Variants in SIM1 observed in about 807,000 individuals in gnomAD.
The protein encoded by SIM1 is single-minded homolog 1.
Under a neutral mutation model 78.2 loss-of-function variants are expected in SIM1, and 18 were observed. The ratio of observed to expected loss-of-function variants is 0.23; its 90% CI spans 0.16 to 0.34. The LOEUF is 0.34. SIM1 is among the 10% of genes least tolerant of loss of function. The pLI is 1.00. For missense variants in SIM1, 939 were observed against 975.1 expected (o/e 0.96, Z 0.49); for synonymous variants, 417 against 385.2 (o/e 1.08, Z -0.97).
intron 9 of SIM1, among the ~76,000 whole-genome samples, chr6:100,423,498 C>G (rs925158811): frequency 1.3e-5 from 2 of 152,162 alleles, no homozygotes; most frequent in Non-Finnish European, 2.9e-5. Flanking sequence ...GGAACAAGAA[C>G]TATCCTTTTC....
At chr6:100,402,832 T>TC (rs1770959966) in intron 10 of SIM1, among the ~76,000 whole-genome samples, 1 of 152,078 alleles carries the variant, frequency 6.6e-6, no homozygotes, top group African/African-American at 2.4e-5. Context: ...CGCCTCGGCC[T>TC]CCCAAAGTGC....
At chr6:100,435,321 T>G (rs1562249458) in intron 9 of SIM1, among the ~76,000 whole-genome samples, 2 of 152,222 alleles carry the variant, frequency 1.3e-5, no homozygotes, top group African/African-American at 2.4e-5. Context: ...AGTGACAATT[T>G]CATATGGTTC....
At chr6:100,459,725 C>A (rs930632560) in intron 2 of SIM1, among the ~76,000 whole-genome samples, 1 of 152,108 alleles carries the variant, frequency 6.6e-6, no homozygotes, top group Non-Finnish European at 1.5e-5. Flanking sequence ...GACATCTTGT[C>A]AATGAAATGG....
Position 100,390,293 on chromosome 6 carries a change from G to A in SIM1, c.*68C>T. On this transcript the variant is annotated 3_prime_UTR_variant, in exon 12 of 12. Transcript: ENST00000369208. ...AACAATCTGTGGCATAGTAAATGCT[G>A]GTAATGGGGTATTAAACTATAAATA... 1.3e-6 allele frequency: 2 copies of A among 1,498,688 alleles called. No homozygotes were observed. Among genetic ancestry groups the A allele is most frequent in the Non-Finnish European group, 1.8e-6 (2 of 1,106,492 alleles). 92.8% of individuals were successfully genotyped at this position (1,498,688 alleles called of 1,614,324 possible). A position where few individuals can be genotyped will look rare whatever the true frequency, so the allele number is the denominator to read the frequency against.
At chr6:100,397,404 T>C (rs1770794567) in intron 10 of SIM1, among the ~76,000 whole-genome samples, 1 of 152,174 alleles carries the variant, frequency 6.6e-6, no homozygotes, top group Non-Finnish European at 1.5e-5. Flanking sequence ...CAACTGATTT[T>C]TGACAATTCA....
At chr6:100,435,950 G>T (rs913519465) in intron 9 of SIM1, among the ~76,000 whole-genome samples, 2 of 151,868 alleles carry the variant, frequency 1.3e-5, no homozygotes, top group Admixed American at 1.3e-4. Context: ...TTAATCTGTA[G>T]CCAGTTACCT....
chr6:100,444,472 A>T (rs533796850), intron 9 of SIM1, among the ~76,000 whole-genome samples: 1 of 152,240 alleles, frequency 6.6e-6, no homozygotes, highest in African/African-American at 2.4e-5. Context: ...TTTGTTTTGG[A>T]GCAAGGGTTT....
rs781180147 is a variant in SIM1 at position 100,463,733 on chromosome 6, G to C, written c.-265C>G. ...AATTTGGGCGATCCACCGAATTTGG[G>C]CAATCCTGAGGGTCGTTCAGGGTAT... is the stretch of plus-strand genomic sequence containing the variant. On this transcript the variant is annotated 5_prime_UTR_variant, in exon 2 of 12. Coordinates refer to ENST00000369208, the MANE Select transcript of SIM1 (RefSeq NM_005068.3). The C allele has an allele frequency of 2.9e-6, 1 of 341,442 alleles. No individual in the cohort carries two copies. Among genetic ancestry groups the C allele is most frequent in the Admixed American group, 4.3e-5 (1 of 23,516 alleles). The allele number at this position is 341,442 out of a possible 1,614,324, so 21.2% of individuals were successfully genotyped here.
At chr6:100,414,202 G>A (rs1012608148) in intron 10 of SIM1, among the ~76,000 whole-genome samples, 3 of 152,200 alleles carry the variant, frequency 2.0e-5, no homozygotes, top group African/African-American at 7.2e-5. Flanking sequence ...ACCACTGTCT[G>A]CCCCTTGCCT....
intron 10 of SIM1, among the ~76,000 whole-genome samples, chr6:100,412,693 A>G (rs1344997082): frequency 7.2e-5 from 7 of 97,006 alleles, no homozygotes; most frequent in African/African-American, 2.9e-4. Context: ...AAAAGAAAGA[A>G]AGAAAGAAAG....
chr6:100,420,992 C>G, intron 9 of SIM1, 34 bp from the exon 10 acceptor site: 1 of 1,598,286 alleles, frequency 6.3e-7, no homozygotes, highest in African/African-American at 1.3e-5. Context: ...CTTAATCAGC[C>G]ACCATAGGAA....
Position 100,449,830 on chromosome 6 carries a change from A to G in SIM1, c.349-131T>C, listed in dbSNP as rs1057168176. ...ATTCTGGAATTGGCCCTGAGTTCCA[A>G]TGCCAGCTCTGCTTCTTGCTACCTA... On this transcript the variant is annotated intron_variant, in intron 4 of 11. Transcript: ENST00000369208. The G allele has an allele frequency of 3.9e-5, 27 of 691,780 alleles. No individual in the cohort carries two copies. In the African/African-American group the frequency reaches 4.2e-4, roughly 11 times the overall value. 42.9% of individuals were successfully genotyped at this position (691,780 alleles called of 1,614,324 possible).
chr6:100,454,415 T>C (rs1772593164), intron 2 of SIM1, among the ~76,000 whole-genome samples: 1 of 152,188 alleles, frequency 6.6e-6, no homozygotes, highest in Non-Finnish European at 1.5e-5. Context: ...TGGCGGATGA[T>C]TTCCAGCCTG....
rs547262292 is a variant in SIM1 at position 100,454,751 on chromosome 6, C to T, written c.176-907G>A. On this transcript the variant is annotated intron_variant, in intron 2 of 11. Transcript: ENST00000369208. ...TCTGGTGATGCCCAAAAAAATAAAACGCTCCGGACTCTTGTGGCCGAGTTT... is the reference window on the plus strand; with the variant it reads ...TCTGGTGATGCCCAAAAAAATAAAATGCTCCGGACTCTTGTGGCCGAGTTT... Among the ~76,000 whole-genome samples, 25 of 152,226 alleles carry T rather than the reference C, an allele frequency of 1.6e-4. No individual in the cohort carries two copies. In the South Asian group the frequency reaches 4.8e-3, roughly 29 times the overall value.
At chr6:100,403,797 G>C (rs768141744) in intron 10 of SIM1, among the ~76,000 whole-genome samples, 1 of 152,138 alleles carries the variant, frequency 6.6e-6, no homozygotes, top group Non-Finnish European at 1.5e-5. Context: ...CTATGCATTC[G>C]TCACTATGCA....
At position 100,463,667 on chromosome 6, in the gene SIM1, G is replaced by T; in HGVS notation, c.-199C>A. On this transcript the variant is annotated 5_prime_UTR_variant, in exon 2 of 12. Coordinates refer to ENST00000369208, the MANE Select transcript of SIM1 (RefSeq NM_005068.3). ...GGGGTGAACGGAAAATATGTTCTTTGAAAATTCGGGATGCAGTATAGGAAA... is the reference window on the plus strand; with the variant it reads ...GGGGTGAACGGAAAATATGTTCTTTTAAAATTCGGGATGCAGTATAGGAAA... The T allele has an allele frequency of 2.0e-6, 1 of 512,490 alleles. No individual in the cohort carries two copies. Among genetic ancestry groups the T allele is most frequent in the South Asian group, 3.4e-5 (1 of 29,390 alleles). 31.7% of individuals were successfully genotyped at this position (512,490 alleles called of 1,614,324 possible).
intron 3 of SIM1, among the ~76,000 whole-genome samples, chr6:100,453,474 C>G (rs561958808): frequency 6.6e-6 from 1 of 152,168 alleles, no homozygotes; most frequent in South Asian, 2.1e-4. Context: ...AAATGGTGCC[C>G]CCTCCCTTGG....
In SIM1 at chr6:100,385,778, T is replaced by C. The variant is rs1302197555; in HGVS notation, c.*4583A>G. 6.6e-6 allele frequency: 1 copy of C among 151,868 alleles called. No homozygotes were observed. The highest frequency in any genetic ancestry group is 1.9e-4 in the East Asian group (1 of 5,184). The allele number at this position is 151,868 out of a possible 1,614,324, so 9.4% of individuals were successfully genotyped here. A position where few individuals can be genotyped will look rare whatever the true frequency, so the allele number is the denominator to read the frequency against. The stretch of plus-strand genomic sequence containing the variant: ...TCATATTTTTCTGTGTGCGTATGTG[T>C]GTGTGTATGCTTTCTGCATACAGTC... On this transcript the variant is annotated 3_prime_UTR_variant, in exon 12 of 12. Coordinates refer to ENST00000369208, the MANE Select transcript of SIM1 (RefSeq NM_005068.3).
rs551770972 is a variant in SIM1, at chr6:100,455,915, C to G, written c.176-2071G>C. Among the ~76,000 whole-genome samples the G allele has an allele frequency of 1.1e-4, 17 of 152,330 alleles. No individual in the cohort carries two copies. In the South Asian group the frequency reaches 2.7e-3, roughly 24 times the overall value. On this transcript the variant is annotated intron_variant, in intron 2 of 11. Coordinates refer to ENST00000369208, the MANE Select transcript of SIM1 (RefSeq NM_005068.3). Reference sequence around the variant, plus strand: ...ACTAGTTCTGAACTCCCGGCGCCAGCCTAGGCCATTTGTTGTTTCGGGTTT... The same window carrying G: ...ACTAGTTCTGAACTCCCGGCGCCAGGCTAGGCCATTTGTTGTTTCGGGTTT...
Sources: allele counts gnomAD v4.1 joint callset (sites outside exome capture counted in the v4.1 genomes callset), GRCh38; gene constraint gnomAD v4.1.1; transcripts MANE v1.5; gene names NCBI Gene and HGNC (gene_info 2026-07-23, HGNC 2026-07-21).